MYO1G: variants seen among roughly 807,000 people sequenced by gnomAD.
The protein encoded by MYO1G is myosin IG, also known as unconventional myosin-Ig.
Under a neutral mutation model 115.3 loss-of-function variants are expected in MYO1G, and 65 were observed. That is an observed-to-expected ratio of 0.56 (90% CI 0.46 to 0.69). The LOEUF is 0.69. Ranked by LOEUF, MYO1G falls within the 30% of genes least tolerant of loss-of-function variation. The probability of loss-of-function intolerance (pLI) is 0.00; values close to 1 mark genes in which losing one functional copy is unlikely to be tolerated. For missense variants in MYO1G, 1,204 were observed against 1,393.5 expected (o/e 0.86, Z 2.16); for synonymous variants, 510 against 552.6 (o/e 0.92, Z 1.08).
At position 44,971,801 on chromosome 7, in the gene MYO1G, G is replaced by C; in HGVS notation, c.730-12C>G. 5 of 1,545,000 alleles carry C rather than the reference G, an allele frequency of 3.2e-6. No homozygotes were observed. The highest frequency in any genetic ancestry group is 4.4e-6 in the Non-Finnish European group (5 of 1,139,814). The stretch of plus-strand genomic sequence containing the variant: ...TCACTGTCCAAGGCCTAGGGTAGAA[G>C]GGATTCATCACTCCAAAGCCACACT... On this transcript the variant is annotated splice_polypyrimidine_tract_variant and intron_variant, in intron 6 of 21. Transcript: ENST00000258787.
At position 44,970,751 on chromosome 7, in the gene MYO1G, A is replaced by G; in HGVS notation, c.1072-14T>C. On this transcript the variant is annotated splice_polypyrimidine_tract_variant and intron_variant, in intron 8 of 21. Transcript: ENST00000258787. ...CTGGTACACTGCCTGGGGGATAGGA[A>G]CACCCTGCTTCCTGCTGCCTCTGGC... is the stretch of plus-strand genomic sequence containing the variant. 1 of 1,613,770 alleles carries G rather than the reference A, an allele frequency of 6.2e-7. No homozygotes were observed. The highest frequency in any genetic ancestry group is 8.5e-7 in the Non-Finnish European group (1 of 1,179,926).
rs139094604 is a variant in MYO1G at position 44,976,892 on chromosome 7, C to T, written c.275G>A (p.Arg92Gln). 4.0e-4 allele frequency: 651 copies of T among 1,613,334 alleles called. No homozygotes were observed. The highest frequency in any genetic ancestry group is 5.3e-4 in the Non-Finnish European group (623 of 1,180,034). The change falls in exon 2 of 22, where the codon CGG becomes CAG. Residue 92 changes from arginine (R) to glutamine (Q), a missense_variant. Transcript: ENST00000258787. ...GATGACGATGCAGGTGTCCCTGGACCGGTGCTTCATTGCCTTGTAGGCGGC... is the reference window on the plus strand; with the variant it reads ...GATGACGATGCAGGTGTCCCTGGACTGGTGCTTCATTGCCTTGTAGGCGGC... Reference protein sequence around the residue: ...ANAAYKAMKHRSRDTCIVISG... With the variant: ...ANAAYKAMKHQSRDTCIVISG...
intron 17 of MYO1G, 134 bp downstream of exon 17, chr7:44,965,503 G>T: frequency 1.2e-6 from 1 of 823,534 alleles, no homozygotes; most frequent in Non-Finnish European, 1.9e-6. Flanking sequence ...AGCTAATGTG[G>T]CATAGCATCC....
chr7:44,972,147 GGT>G lies in MYO1G; in HGVS notation c.695_696del (p.His232ProfsTer16), dbSNP rs1463886104. The G allele has an allele frequency of 1.9e-6, 3 of 1,614,030 alleles. No homozygotes were observed. The highest frequency in any genetic ancestry group is 2.5e-6 in the Non-Finnish European group (3 of 1,179,938). On this transcript the variant is annotated frameshift_variant, in exon 6 of 22. Transcript: ENST00000258787. LOFTEE classifies it high-confidence loss of function. ...ERNPAVYNFT[H>X]QGAGLNMTVH... ...ACAGTCATGTTGAGTCCTGCTCCCTGGTGTGTGAAATTGTATACAGCAGGGTT... is the reference window on the plus strand; with the variant it reads ...ACAGTCATGTTGAGTCCTGCTCCCTGGTGTGAAATTGTATACAGCAGGGTT...
intron 5 of MYO1G, chr7:44,972,471 A>T (rs769167902): frequency 8.2e-6 from 4 of 487,240 alleles, no homozygotes; most frequent in Non-Finnish European, 1.5e-5. Context: ...TTCTTGTGCC[A>T]GACCTCATCT....
At chr7:44,972,529 G>A in intron 5 of MYO1G, 3 of 381,026 alleles carry the variant, frequency 7.9e-6, no homozygotes, top group South Asian at 6.8e-5. Context: ...GACCCAGGGG[G>A]ATCCCACCTC....
Position 44,962,966 on chromosome 7 carries a change from T to C in MYO1G, c.2900+4A>G. ...GTGCCCGCTACCGCCCAGCCTGCAC[T>C]CACCCCTGGCAGTGTGCGGCCAGCA... On this transcript the variant is annotated splice_donor_region_variant and intron_variant, in intron 21 of 21. Transcript: ENST00000258787. The surrounding 1 kb of genome is among the most constrained non-coding windows in gnomAD (Gnocchi z 5.3). 1 of 1,529,902 alleles carries C rather than the reference T, an allele frequency of 6.5e-7. No homozygotes were observed. Among genetic ancestry groups the C allele is most frequent in the East Asian group, 2.5e-5 (1 of 39,440 alleles). The allele number at this position is 1,529,902 out of a possible 1,614,324, so 94.8% of individuals were successfully genotyped here. A position where few individuals can be genotyped will look rare whatever the true frequency, so the allele number is the denominator to read the frequency against.
In MYO1G at chr7:44,963,170, C is replaced by T; in HGVS notation, c.2746-46G>A. ...GAGTGCAGCCGCCTCAACCCGCACCCCAGCCTAGCCGGACTCACCCCCTCC... is the reference window on the plus strand; with the variant it reads ...GAGTGCAGCCGCCTCAACCCGCACCTCAGCCTAGCCGGACTCACCCCCTCC... On this transcript the variant is annotated intron_variant, in intron 20 of 21. Transcript: ENST00000258787. The surrounding 1 kb of genome is among the most constrained non-coding windows in gnomAD (Gnocchi z 4.1). The T allele has an allele frequency of 7.2e-7, 1 of 1,388,724 alleles. No individual in the cohort carries two copies. Among genetic ancestry groups the T allele is most frequent in the Non-Finnish European group, 9.3e-7 (1 of 1,076,308 alleles). The allele number at this position is 1,388,724 out of a possible 1,614,324, so 86.0% of individuals were successfully genotyped here. A position where few individuals can be genotyped will look rare whatever the true frequency, so the allele number is the denominator to read the frequency against.
chr7:44,963,219 C>A lies in MYO1G; in HGVS notation c.2746-95G>T. 7.4e-7 allele frequency: 1 copy of A among 1,358,258 alleles called. No individual in the cohort carries two copies. Among genetic ancestry groups the A allele is most frequent in the Non-Finnish European group, 9.5e-7 (1 of 1,054,102 alleles). 84.1% of individuals were successfully genotyped at this position (1,358,258 alleles called of 1,614,324 possible). ...CCCCAGGAAGCCTCTGCCGAACCCCCAACCGCACCCGGGGAGCGCCGCCCT... is the reference window on the plus strand; with the variant it reads ...CCCCAGGAAGCCTCTGCCGAACCCCAAACCGCACCCGGGGAGCGCCGCCCT... On this transcript the variant is annotated intron_variant, in intron 20 of 21. Transcript: ENST00000258787. This position sits in a 1 kb window ranked among gnomAD's most constrained non-coding sequence, Gnocchi z 4.1.
Position 44,974,709 on chromosome 7 carries a change from G to A in MYO1G, c.618+465C>T, listed in dbSNP as rs117503502. 6.1e-3 allele frequency: 1,116 copies of A among 184,252 alleles called. 9 individuals carry two copies. Among genetic ancestry groups the A allele is most frequent in the Middle Eastern group, 0.018 (7 of 384 alleles). The allele number at this position is 184,252 out of a possible 1,614,324, so 11.4% of individuals were successfully genotyped here. On this transcript the variant is annotated intron_variant, in intron 5 of 21. Coordinates refer to ENST00000258787, the MANE Select transcript of MYO1G (RefSeq NM_033054.3). ...TGCAGAGACACTGTTTGTTTCCAGG[G>A]AGCTCCCACCTCAGTGGGGTGTCAA...
chr7:44,966,838 C>G lies in MYO1G; in HGVS notation c.1783G>C (p.Glu595Gln), dbSNP rs765921852. The change falls in exon 15 of 22, where the codon GAG becomes CAG. Residue 595 changes from glutamate to glutamine, a missense_variant and splice_region_variant. Transcript: ENST00000258787. This position sits in a 1 kb window ranked among gnomAD's most constrained non-coding sequence, Gnocchi z 5.0. ...VALVENLASKEPFYVRCIKPN... is the reference protein window; with the variant it reads ...VALVENLASKQPFYVRCIKPN... ...TTGATGCAGCGGACGTAGAAGGGCT[C>G]CTGCAGGGACAGAGGGGACTTGGAG... 6.2e-7 allele frequency: 1 copy of G among 1,602,672 alleles called. No individual in the cohort carries two copies. Among genetic ancestry groups the G allele is most frequent in the Non-Finnish European group, 8.5e-7 (1 of 1,173,392 alleles).
chr7:44,967,619 T>C lies in MYO1G; in HGVS notation c.1768A>G (p.Asn590Asp). Residue 590 changes from asparagine (N) to aspartate (D), a missense_variant, in exon 14 of 22, where the codon AAC becomes GAC. Coordinates refer to ENST00000258787, the MANE Select transcript of MYO1G (RefSeq NM_033054.3). Reference protein sequence around the residue: ...FKNSMVALVENLASKEPFYVR... With the variant: ...FKNSMVALVEDLASKEPFYVR... ...GTGGAACATACCTTGGAGGCAAGGT[T>C]CTCCACCAGGGCCACCATGGAGTTC... The C allele has an allele frequency of 6.2e-7, 1 of 1,613,756 alleles. No individual in the cohort carries two copies. Among genetic ancestry groups the C allele is most frequent in the Non-Finnish European group, 8.5e-7 (1 of 1,180,000 alleles).
Position 44,969,662 on chromosome 7 carries a change from T to A in MYO1G, c.1503+43A>T. 1 of 1,605,730 alleles carries A rather than the reference T, an allele frequency of 6.2e-7. No homozygotes were observed. Among genetic ancestry groups the A allele is most frequent in the Non-Finnish European group, 8.5e-7 (1 of 1,177,292 alleles). On this transcript the variant is annotated intron_variant, in intron 11 of 21. Coordinates refer to ENST00000258787, the MANE Select transcript of MYO1G (RefSeq NM_033054.3). The surrounding 1 kb of genome is among the most constrained non-coding windows in gnomAD (Gnocchi z 5.0). ...GGCAGCATGGTGCCTGTGGGGCAGG[T>A]CCCACCAGCCCACTGTGGTGGCACT...
rs756514864 is a variant in MYO1G, at chr7:44,965,020, G to A, written c.2451C>T (p.Ala817=). Residue 817 remains alanine (A), a synonymous_variant, in exon 18 of 22, where the codon GCC becomes GCT. Transcript: ENST00000258787. ...GAAGCCCTTGCAGGGCCCCCATGGC[G>A]GCCACCTTGGCCTTGATCTGGGGCA... ...SDMPQIKAKV[A]AMGALQGLRQ... is the part of the protein sequence containing the mutation. 9.9e-6 allele frequency: 16 copies of A among 1,611,372 alleles called. No homozygotes were observed. The East Asian group carries it at 1.1e-4, about 11-fold the overall frequency.
chr7:44,963,806 C>G lies in MYO1G; in HGVS notation c.2745+243G>C. On this transcript the variant is annotated intron_variant, in intron 20 of 21. Transcript: ENST00000258787. The surrounding 1 kb of genome is among the most constrained non-coding windows in gnomAD (Gnocchi z 4.1). ...TGGAAGAGGGGACCATTTGGCTTGG[C>G]TAGAGTGTGAGAGTGGGGGTGGGGG... The G allele has an allele frequency of 1.9e-6, 1 of 523,178 alleles. No individual in the cohort carries two copies. The highest frequency in any genetic ancestry group is 3.5e-6 in the Non-Finnish European group (1 of 289,516). The allele number at this position is 523,178 out of a possible 1,614,324, so 32.4% of individuals were successfully genotyped here.
chr7:44,974,229 C>T (rs1295293302), intron 5 of MYO1G: 1 of 151,740 alleles, frequency 6.6e-6, no homozygotes, highest in Non-Finnish European at 1.5e-5. Flanking sequence ...AAAGGCACTC[C>T]TTGCATCCCA....
chr7:44,970,798 T>G, intron 8 of MYO1G, 37 bp downstream of exon 8: 1 of 1,613,412 alleles, frequency 6.2e-7, no homozygotes, highest in Non-Finnish European at 8.5e-7. Flanking sequence ...CATGAAGGCC[T>G]CCTGGGCTTC....
intron 12 of MYO1G, chr7:44,968,885 T>C: frequency 6.2e-6 from 1 of 161,370 alleles, no homozygotes; most frequent in East Asian, 1.8e-4. Flanking sequence ...CCTTGAGAAG[T>C]TCTCATGAAA....
chr7:44,971,892 C>A, intron 6 of MYO1G, 103 bp from the exon 7 acceptor site: 1 of 869,526 alleles, frequency 1.2e-6, no homozygotes, highest in Non-Finnish European at 1.8e-6. Flanking sequence ...TCACCCCTGT[C>A]CCCTGTCCCC....
Sources: allele counts gnomAD v4.1 joint callset, GRCh38; gene constraint gnomAD v4.1.1; non-coding constraint Gnocchi (gnomAD v3.1); transcripts MANE v1.5; gene names NCBI Gene and HGNC (gene_info 2026-07-23, HGNC 2026-07-21).